Variants in ROBO2 observed in about 807,000 individuals in gnomAD.
The protein encoded by ROBO2 is roundabout guidance receptor 2, also known as roundabout homolog 2.
Under a neutral mutation model 160.8 loss-of-function variants are expected in ROBO2, and 53 were observed. The observed-to-expected ratio is 0.33, with a 90% CI of 0.26 to 0.41. The LOEUF (loss-of-function observed/expected upper bound fraction) is 0.41. Among genes scored for constraint, ROBO2 ranks in the 10% least tolerant of loss-of-function variants. The pLI, the probability that ROBO2 is intolerant of heterozygous loss-of-function variation, is 1.00. For synonymous variants in ROBO2, 664 were observed against 611.7 expected (o/e 1.09, Z -1.26); for missense variants, 1,577 against 1,722.4 (o/e 0.92, Z 1.49).
chr3:75,911,992 T>C (rs901798545), intron 1 of ROBO2, among the ~76,000 whole-genome samples: 10 of 152,208 alleles, frequency 6.6e-5, no homozygotes, highest in African/African-American at 2.4e-4. Context: ...TTTTTTCTTG[T>C]CCTCCCATAT....
intron 2 of ROBO2, among the ~76,000 whole-genome samples, chr3:77,177,086 T>A (rs1339979743): frequency 6.6e-6 from 1 of 152,030 alleles, no homozygotes; most frequent in East Asian, 1.9e-4. Flanking sequence ...TTGTTACCAC[T>A]GGTTACTTGT....
intron 5 of ROBO2, among the ~76,000 whole-genome samples, chr3:77,515,448 A>G (rs1176847178): frequency 6.6e-6 from 1 of 151,766 alleles, no homozygotes; most frequent in African/African-American, 2.4e-5. Context: ...AATTGTTTAA[A>G]TAATTTTAAA....
chr3:77,092,658 A>G (rs1423910238), intron 1 of ROBO2, among the ~76,000 whole-genome samples: 1 of 147,394 alleles, frequency 6.8e-6, no homozygotes, highest in East Asian at 1.9e-4. Flanking sequence ...AACAATATAT[A>G]TTATTTTAAT....
intron 2 of ROBO2, among the ~76,000 whole-genome samples, chr3:76,176,634 C>G (rs1418449561): frequency 2.0e-5 from 3 of 152,046 alleles, no homozygotes; most frequent in Non-Finnish European, 4.4e-5. Flanking sequence ...TTAGGTTCCT[C>G]AAAACTCTGT....
chr3:76,709,086 A>T (rs112700619), intron 2 of ROBO2, among the ~76,000 whole-genome samples: 4,485 of 152,296 alleles, frequency 0.029, 97 homozygotes, highest in Middle Eastern at 0.048. Flanking sequence ...TATATCCTAA[A>T]TCTGAGCTCT....
intron 2 of ROBO2, among the ~76,000 whole-genome samples, chr3:76,305,847 A>G (rs1322039430): frequency 6.9e-6 from 1 of 144,892 alleles, no homozygotes; most frequent in Non-Finnish European, 1.5e-5. Context: ...ACTCCATCTC[A>G]AAAAAAAAAA....
intron 2 of ROBO2, among the ~76,000 whole-genome samples, chr3:76,986,259 T>A (rs2060372588): frequency 6.6e-6 from 1 of 152,180 alleles, no homozygotes; most frequent in African/African-American, 2.4e-5. Context: ...AGTTACATAA[T>A]GTAGAATATT....
chr3:76,622,749 C>G (rs1253204981), intron 2 of ROBO2, among the ~76,000 whole-genome samples: 4 of 152,176 alleles, frequency 2.6e-5, no homozygotes, highest in African/African-American at 7.2e-5. Flanking sequence ...TGCCTACAAT[C>G]TCTCTCCTAT....
rs964196612 is a variant in ROBO2, at chr3:77,468,676, T to C, written c.389-8738T>C. On this transcript the variant is annotated intron_variant, in intron 2 of 25. Transcript: ENST00000461745. The stretch of plus-strand genomic sequence containing the variant: ...ATTATGTTTGTGTTTGTGTGTTTTA[T>C]TCCCTGCAGAATACTAGACTTCACA... Among the ~76,000 whole-genome samples the C allele has an allele frequency of 3.3e-5, 5 of 152,330 alleles. 1 individual carries two copies. In the South Asian group the frequency reaches 1.0e-3, roughly 32 times the overall value.
At chr3:76,210,654 C>T (rs565444318) in intron 2 of ROBO2, among the ~76,000 whole-genome samples, 1 of 152,024 alleles carries the variant, frequency 6.6e-6, no homozygotes, top group Non-Finnish European at 1.5e-5. Flanking sequence ...TTTAATATTA[C>T]ATTTTTCATC....
At chr3:76,969,179 T>A (rs1402041983) in intron 2 of ROBO2, among the ~76,000 whole-genome samples, 1 of 152,160 alleles carries the variant, frequency 6.6e-6, no homozygotes, top group Admixed American at 6.5e-5. Flanking sequence ...TGGCAGAAAA[T>A]TTCACCTTAT....
At chr3:76,621,298 T>A (rs1392089487) in intron 2 of ROBO2, among the ~76,000 whole-genome samples, 3 of 152,202 alleles carry the variant, frequency 2.0e-5, no homozygotes, top group Non-Finnish European at 4.4e-5. Context: ...CTCATATCCT[T>A]TTTGGCAGAT....
At chr3:76,460,284 A>G (rs1180982419) in intron 2 of ROBO2, among the ~76,000 whole-genome samples, 1 of 152,186 alleles carries the variant, frequency 6.6e-6, no homozygotes, top group Non-Finnish European at 1.5e-5. Context: ...ATATTAGAAA[A>G]CATATCAAGG....
At chr3:77,360,227 G>A (rs1285935153) in intron 2 of ROBO2, among the ~76,000 whole-genome samples, 11 of 150,624 alleles carry the variant, frequency 7.3e-5, no homozygotes, top group Non-Finnish European at 1.3e-4. Context: ...AATGCTCTAA[G>A]TTGCAACAGT....
rs958945007 is a variant in ROBO2 at position 76,535,431 on chromosome 3, A to G, written c.110-562583A>G. On this transcript the variant is annotated intron_variant, in intron 2 of 26. Coordinates refer to the ROBO2 transcript ENST00000487694. ...GTGGGGTAAGGGTGATTAGGTTTTA[A>G]TGGGATGGTAAGGGGTACATGATCA... Among the ~76,000 whole-genome samples the G allele has an allele frequency of 5.9e-5, 9 of 152,040 alleles. 1 individual carries two copies. Among genetic ancestry groups the G allele is most frequent in the African/African-American group, 2.2e-4 (9 of 41,378 alleles).
At chr3:76,232,802 C>T (rs1704699705) in intron 2 of ROBO2, among the ~76,000 whole-genome samples, 1 of 152,118 alleles carries the variant, frequency 6.6e-6, no homozygotes, top group South Asian at 2.1e-4. Flanking sequence ...TTTTCTAACT[C>T]TTTTATAACT....
intron 2 of ROBO2, among the ~76,000 whole-genome samples, chr3:76,230,874 A>C (rs1453917330): frequency 1.3e-5 from 2 of 152,158 alleles, no homozygotes; most frequent in Admixed American, 6.5e-5. Flanking sequence ...TGCCCTTTTA[A>C]CAAAGGAATT....
intron 2 of ROBO2, among the ~76,000 whole-genome samples, chr3:76,146,899 C>T (rs970742174): frequency 6.6e-6 from 1 of 150,444 alleles, no homozygotes; most frequent in Non-Finnish European, 1.5e-5. Flanking sequence ...AACACACACA[C>T]ACATACACAC....
chr3:76,844,840 A>T (rs1446435193), intron 2 of ROBO2, among the ~76,000 whole-genome samples: 1 of 151,976 alleles, frequency 6.6e-6, no homozygotes, highest in Admixed American at 6.6e-5. Flanking sequence ...AGATGCATTT[A>T]CTACATATGA....
Sources: gnomAD v4.1 joint callset for allele counts (sites outside exome capture counted in the v4.1 genomes callset) on GRCh38, gnomAD v4.1.1 for gene constraint, MANE v1.5 for transcripts, NCBI Gene and HGNC (gene_info 2026-07-23, HGNC 2026-07-21) for gene names.